LPAR3: variants seen among roughly 807,000 people sequenced by gnomAD.
LPAR3 encodes the protein LPA receptor 3.
A neutral mutation model predicts 17.8 loss-of-function variants in LPAR3; 7 were observed. The ratio of observed to expected loss-of-function variants is 0.39; its 90% confidence interval spans 0.22 to 0.74. The LOEUF is 0.74. Among genes scored for constraint, LPAR3 ranks in the 30% least tolerant of loss-of-function variants. The probability of loss-of-function intolerance (pLI) is 0.40; values close to 1 mark genes in which losing one functional copy is unlikely to be tolerated. For synonymous variants in LPAR3, 179 were observed against 179.9 expected, an observed-to-expected ratio of 0.99 and a Z score of 0.04; for missense variants, 391 against 453.4, an observed-to-expected ratio of 0.86 and a Z score of 1.25.
intron 2 of LPAR3, among the ~76,000 whole-genome samples, chr1:84,836,481 A>G (rs17377800): frequency 0.088 from 13,470 of 152,264 alleles, 775 homozygotes; most frequent in Middle Eastern, 0.18. Flanking sequence ...AATCTTCTGA[A>G]TGTGGTTAGA....
chr1:84,860,734 A>ATT (rs35354113), intron 2 of LPAR3, among the ~76,000 whole-genome samples: 47 of 113,546 alleles, frequency 4.1e-4, no homozygotes, highest in Non-Finnish European at 5.1e-4. Context: ...TTAGGATTTA[A>ATT]TTTTTTTTTT....
At chr1:84,886,734 A>G (rs1328805755) in intron 1 of LPAR3, among the ~76,000 whole-genome samples, 1 of 152,180 alleles carries the variant, frequency 6.6e-6, no homozygotes, top group African/African-American at 2.4e-5. Context: ...AATATAAATA[A>G]GACAAAAGTA....
chr1:84,824,013 G>A (rs866683322), intron 2 of LPAR3, among the ~76,000 whole-genome samples: 34 of 152,152 alleles, frequency 2.2e-4, no homozygotes, highest in African/African-American at 7.0e-4. Flanking sequence ...TAGGCTGTGG[G>A]CATGTAATAT....
intron 2 of LPAR3, among the ~76,000 whole-genome samples, chr1:84,822,196 C>T (rs1659072273): frequency 6.6e-6 from 1 of 151,784 alleles, no homozygotes; most frequent in Non-Finnish European, 1.5e-5. Context: ...TGATAAGAAG[C>T]AATTTTTTTT....
intron 1 of LPAR3, among the ~76,000 whole-genome samples, chr1:84,888,230 T>G (rs1036094792): frequency 6.7e-6 from 1 of 148,656 alleles, no homozygotes; most frequent in African/African-American, 2.5e-5. Context: ...AGGGAGAGAT[T>G]GAGATTTCAA....
At chr1:84,872,681 G>C (rs549711493) in intron 1 of LPAR3, among the ~76,000 whole-genome samples, 8 of 152,270 alleles carry the variant, frequency 5.3e-5, no homozygotes, top group African/African-American at 1.9e-4. Flanking sequence ...AAATAACATA[G>C]ATATTCCGCT....
At chr1:84,837,116 C>T (rs1659419830) in intron 2 of LPAR3, among the ~76,000 whole-genome samples, 2 of 151,052 alleles carry the variant, frequency 1.3e-5, no homozygotes, top group Non-Finnish European at 2.9e-5. Context: ...CCACCTCCTG[C>T]ATTCAAGTGA....
At chr1:84,892,780 C>T (rs1201415661) in intron 1 of LPAR3, among the ~76,000 whole-genome samples, 1 of 152,226 alleles carries the variant, frequency 6.6e-6, no homozygotes, top group Non-Finnish European at 1.5e-5. Context: ...ATCTAGATTG[C>T]TTTTTGCTCC....
chr1:84,825,787 T>C (rs937489999), intron 2 of LPAR3, among the ~76,000 whole-genome samples: 6 of 152,234 alleles, frequency 3.9e-5, no homozygotes, highest in African/African-American at 1.4e-4. Flanking sequence ...CCGGGCCTAC[T>C]ATCCTGCCTT....
chr1:84,871,818 A>G (rs57925971), intron 1 of LPAR3, among the ~76,000 whole-genome samples: 6,241 of 152,168 alleles, frequency 0.041, 193 homozygotes, highest in African/African-American at 0.085. Context: ...CTTTTCCCCA[A>G]GATACCCAGG....
At chr1:84,880,403 T>C (rs1660341836) in intron 1 of LPAR3, among the ~76,000 whole-genome samples, 1 of 152,132 alleles carries the variant, frequency 6.6e-6, no homozygotes, top group South Asian at 2.1e-4. Flanking sequence ...CCTTGGAGAA[T>C]CAGAAAAGTC....
At chr1:84,879,027 T>G (rs1660311175) in intron 1 of LPAR3, among the ~76,000 whole-genome samples, 1 of 152,216 alleles carries the variant, frequency 6.6e-6, no homozygotes, top group Admixed American at 6.5e-5. Flanking sequence ...ACTTTCCCAC[T>G]GAGAATGCTT....
intron 1 of LPAR3, among the ~76,000 whole-genome samples, chr1:84,888,147 T>TACAC (rs1660493393): frequency 1.2e-5 from 1 of 86,746 alleles, no homozygotes; most frequent in Admixed American, 1.4e-4. Context: ...TATATATACA[T>TACAC]ACATACACAC....
At chr1:84,835,794 G>C (rs1447319387) in intron 2 of LPAR3, among the ~76,000 whole-genome samples, 2 of 152,044 alleles carry the variant, frequency 1.3e-5, no homozygotes, top group Non-Finnish European at 2.9e-5. Context: ...AGTTATTGAT[G>C]AATCTCCTAA....
chr1:84,865,299 TAGTA>T, intron 2 of LPAR3, 82 bp downstream of exon 2: 1 of 1,401,878 alleles, frequency 7.1e-7, no homozygotes, highest in Non-Finnish European at 9.6e-7. Flanking sequence ...TCTTACTGCC[TAGTA>T]AGTGCCTGGT....
intron 2 of LPAR3, 85 bp downstream of exon 2, chr1:84,865,300 A>G: frequency 7.1e-7 from 1 of 1,412,300 alleles, no homozygotes; most frequent in South Asian, 1.5e-5. Flanking sequence ...CTTACTGCCT[A>G]GTAAGTGCCT....
intron 1 of LPAR3, among the ~76,000 whole-genome samples, chr1:84,892,498 T>C (rs1028967753): frequency 6.6e-6 from 1 of 152,186 alleles, no homozygotes; most frequent in Admixed American, 6.5e-5. Flanking sequence ...ACAGTGTTGC[T>C]AGTTACTAGT....
At position 84,821,821 on chromosome 1, in the gene LPAR3, G is replaced by C. The variant is rs894205277; in HGVS notation, c.737-7650C>G. Among the ~76,000 whole-genome samples the C allele has an allele frequency of 2.1e-4, 32 of 152,144 alleles. 1 individual carries two copies. Among genetic ancestry groups the C allele is most frequent in the African/African-American group, 7.7e-4 (32 of 41,416 alleles). Reference sequence around the variant, plus strand: ...GAATATTTGGATCTAGGAAGTGAGGGGAGGAAAGACTCCAGGGTGAGTGGG... The same window carrying C: ...GAATATTTGGATCTAGGAAGTGAGGCGAGGAAAGACTCCAGGGTGAGTGGG... On this transcript the variant is annotated intron_variant, in intron 2 of 2. Transcript: ENST00000370611.
chr1:84,826,001 C>A (rs761023331), intron 2 of LPAR3, among the ~76,000 whole-genome samples: 3 of 152,078 alleles, frequency 2.0e-5, no homozygotes, highest in Non-Finnish European at 2.9e-5. Flanking sequence ...ACATGACTTT[C>A]CTGAGTGTAA....
Sources: allele counts gnomAD v4.1 joint callset (sites outside exome capture counted in the v4.1 genomes callset), GRCh38; gene constraint gnomAD v4.1.1; transcripts MANE v1.5; gene names NCBI Gene and HGNC (gene_info 2026-07-23, HGNC 2026-07-21).